Variants in CNGA1 observed in about 807,000 individuals in gnomAD.
The protein encoded by CNGA1 is cyclic nucleotide gated channel subunit alpha 1.
A neutral mutation model predicts 69.7 loss-of-function variants in CNGA1; 53 were observed. That is an observed-to-expected ratio of 0.76 (90% confidence interval 0.61 to 0.96). The LOEUF (loss-of-function observed/expected upper bound fraction) is 0.96. Among genes scored for constraint, CNGA1 ranks in the 40% least tolerant of loss-of-function variants. CNGA1 has a pLI of 0.00. For synonymous variants in CNGA1, 249 were observed against 283.5 expected (o/e 0.88, Z 1.22); for missense variants, 739 against 811.2 (o/e 0.91, Z 1.08).
At chr4:48,010,399 CA>C (rs1715101983) in intron 2 of CNGA1, among the ~76,000 whole-genome samples, 1 of 152,204 alleles carries the variant, frequency 6.6e-6, no homozygotes, top group Non-Finnish European at 1.5e-5. Context: ...AAAACAAAGA[CA>C]TTTCTAAGTG....
intron 3 of CNGA1, among the ~76,000 whole-genome samples, chr4:47,964,523 T>C (rs111400472): frequency 0.01 from 1,569 of 152,144 alleles, 20 homozygotes; most frequent in African/African-American, 0.035. Flanking sequence ...TATTTATAAA[T>C]ATTTTCCCCA....
intron 6 of CNGA1, among the ~76,000 whole-genome samples, chr4:47,944,701 G>C (rs180913155): frequency 6.6e-6 from 1 of 152,192 alleles, no homozygotes; most frequent in East Asian, 1.9e-4. Context: ...TGGTGAGAGG[G>C]ATATTATCAG....
At chr4:47,974,014 G>A (rs1000936918) in intron 3 of CNGA1, among the ~76,000 whole-genome samples, 8 of 151,572 alleles carry the variant, frequency 5.3e-5, no homozygotes, top group African/African-American at 7.3e-5. Flanking sequence ...GCAACATGGC[G>A]AAACCCCATC....
At chr4:47,965,552 G>T (rs1432854860) in intron 3 of CNGA1, among the ~76,000 whole-genome samples, 1 of 151,364 alleles carries the variant, frequency 6.6e-6, no homozygotes, top group East Asian at 1.9e-4. Flanking sequence ...TCAGCCTCCC[G>T]AGTAGCTGGG....
Position 47,960,155 on chromosome 4 carries a change from A to C in CNGA1, c.-14-7452T>G, listed in dbSNP as rs187534289. ...GAAGATATAAAAATAACTAATAAGC[A>C]CATGAAAATGTGCTTAACTCATCAG... On this transcript the variant is annotated intron_variant, in intron 3 of 10. Coordinates refer to ENST00000514170, the MANE Select transcript of CNGA1 (RefSeq NM_001379270.1). Among the ~76,000 whole-genome samples the C allele has an allele frequency of 3.8e-4, 58 of 152,324 alleles. 2 individuals are homozygous for C. In the East Asian group the frequency reaches 6.0e-3, roughly 16 times the overall value.
At chr4:48,013,792 T>C (rs1166164705) in intron 1 of CNGA1, among the ~76,000 whole-genome samples, 8 of 152,206 alleles carry the variant, frequency 5.3e-5, no homozygotes, top group African/African-American at 1.9e-4. Flanking sequence ...AGCTTACTGT[T>C]AAAATTTTCT....
chr4:47,955,091 T>G (rs920236703), intron 3 of CNGA1, among the ~76,000 whole-genome samples: 2 of 152,132 alleles, frequency 1.3e-5, no homozygotes, highest in Non-Finnish European at 2.9e-5. Context: ...AACAGTTTTG[T>G]GTACATGCCT....
intron 3 of CNGA1, among the ~76,000 whole-genome samples, chr4:47,960,885 AAT>A (rs1282828336): frequency 6.6e-6 from 1 of 152,214 alleles, no homozygotes; most frequent in Non-Finnish European, 1.5e-5. Context: ...TAGAAGTAAA[AAT>A]AGTAGTTGTC....
In CNGA1 at chr4:47,936,878, C is replaced by T. The variant is rs1252312954; in HGVS notation, c.1604G>A (p.Ser535Asn). The T allele has an allele frequency of 2.5e-6, 4 of 1,614,126 alleles. No individual in the cohort carries two copies. In the East Asian group the frequency reaches 8.9e-5, roughly 36 times the overall value. ...GATCTCACCGAAGTAGCTGCCATCG[C>T]TCAATACCACAAACTGAGTGACTCC... ...DDGVTQFVVL[S>N]DGSYFGEISI... Residue 535 changes from serine (S) to asparagine (N), a missense_variant, in exon 11 of 11, where the codon AGC becomes AAC. By Grantham distance (46) the Ser-to-Asn change is conservative (BLOSUM62 1). Transcript: ENST00000514170.
chr4:47,951,583 C>T, intron 4 of CNGA1, 114 bp from the exon 5 acceptor site: 2 of 745,076 alleles, frequency 2.7e-6, no homozygotes, highest in African/African-American at 1.7e-5. Flanking sequence ...CCCTCTCAAA[C>T]TAACACACAT....
At chr4:47,940,522 A>G (rs1046041775) in intron 10 of CNGA1, among the ~76,000 whole-genome samples, 2 of 152,186 alleles carry the variant, frequency 1.3e-5, no homozygotes, top group African/African-American at 4.8e-5. Context: ...AATGAACAAG[A>G]TAATGGAGGA....
At chr4:47,979,267 G>A (rs1044199230) in intron 3 of CNGA1, among the ~76,000 whole-genome samples, 1 of 144,544 alleles carries the variant, frequency 6.9e-6, no homozygotes, top group Non-Finnish European at 1.5e-5. Flanking sequence ...GTTGCAGTGA[G>A]CCAAGATCGC....
At chr4:48,002,683 C>CAAAAAAAA (rs34405949) in intron 2 of CNGA1, among the ~76,000 whole-genome samples, 19 of 117,760 alleles carry the variant, frequency 1.6e-4, no homozygotes, top group Non-Finnish European at 2.7e-4. Flanking sequence ...GTCAGACATG[C>CAAAAAAAA]AAAAAAAAAA....
intron 3 of CNGA1, among the ~76,000 whole-genome samples, chr4:47,968,598 T>A (rs1426850851): frequency 6.6e-6 from 1 of 152,218 alleles, no homozygotes; most frequent in African/African-American, 2.4e-5. Context: ...ACACTCCTAC[T>A]GCCCCAAGAG....
intron 6 of CNGA1, among the ~76,000 whole-genome samples, chr4:47,947,834 A>G (rs1473095245): frequency 6.6e-6 from 1 of 152,236 alleles, no homozygotes; most frequent in Non-Finnish European, 1.5e-5. Context: ...GGCAGACTGA[A>G]TGGACATATT....
intron 7 of CNGA1, 36 bp downstream of exon 7, chr4:47,943,335 C>A (rs1460669672): frequency 1.3e-6 from 2 of 1,538,206 alleles, no homozygotes; most frequent in Non-Finnish European, 1.8e-6. Flanking sequence ...ATGTTATGGG[C>A]AGAAAAATGT....
chr4:47,942,472 T>C (rs770816668), intron 8 of CNGA1, among the ~76,000 whole-genome samples: 2 of 151,342 alleles, frequency 1.3e-5, no homozygotes, highest in Non-Finnish European at 2.9e-5. Context: ...ACCAGTCTTA[T>C]ATTAAAGCAT....
At chr4:48,015,023 A>C (rs562269451) in intron 1 of CNGA1, among the ~76,000 whole-genome samples, 65 of 152,042 alleles carry the variant, frequency 4.3e-4, no homozygotes, top group African/African-American at 1.4e-3. Flanking sequence ...AAAAAAATAC[A>C]AAAAATTAGC....
intron 6 of CNGA1, among the ~76,000 whole-genome samples, chr4:47,947,608 T>TGCA (rs1294785349): frequency 7.2e-5 from 11 of 151,896 alleles, no homozygotes; most frequent in Non-Finnish European, 1.2e-4. Flanking sequence ...AGATGGAGGC[T>TGCA]GCAGTGAGCC....
Sources: gnomAD v4.1 joint callset for allele counts (sites outside exome capture counted in the v4.1 genomes callset) on GRCh38, gnomAD v4.1.1 for gene constraint, MANE v1.5 for transcripts, NCBI Gene and HGNC (gene_info 2026-07-23, HGNC 2026-07-21) for gene names.